The following NEK6 variants were observed in gnomAD, a reference collection of about 807,000 sequenced individuals.
The protein encoded by NEK6 is serine/threonine-protein kinase Nek6.
A neutral mutation model predicts 43.5 loss-of-function variants in NEK6; 27 were observed. The ratio of observed to expected loss-of-function variants is 0.62; its 90% CI spans 0.46 to 0.86. The LOEUF (loss-of-function observed/expected upper bound fraction) is 0.86. Ranked by LOEUF, NEK6 falls within the 40% of genes least tolerant of loss-of-function variation. The pLI, the probability that NEK6 is intolerant of heterozygous loss-of-function variation, is 0.00. For missense variants in NEK6, 318 were observed against 414.4 expected, an observed-to-expected ratio of 0.77 and a Z score of 2.02; for synonymous variants, 167 against 164.1, an observed-to-expected ratio of 1.02 and a Z score of -0.14.
chr9:124,258,243 G>A, intron 1 of NEK6, 158 bp downstream of exon 1: 4 of 983,244 alleles, frequency 4.1e-6, no homozygotes, highest in Non-Finnish European at 4.8e-6. Flanking sequence ...GTGTGGCCGC[G>A]CGGGGCTGAG....
At chr9:124,335,734 G>C (rs927611) in intron 7 of NEK6, among the ~76,000 whole-genome samples, 144,665 of 152,306 alleles carry the variant, frequency 0.95, 69,087 homozygotes, top group East Asian at 1. Flanking sequence ...CCTGGGAGTT[G>C]ACAGCCCAGA....
In NEK6 at chr9:124,331,269, A is replaced by C. The variant is rs913037349; in HGVS notation, c.622+3824A>C. The stretch of plus-strand genomic sequence containing the variant: ...CGAGCGACTCTGTCTCAAAAAAAAA[A>C]AAAACAAAACATTTTGCTCATTTTG... On this transcript the variant is annotated intron_variant, in intron 7 of 9. Coordinates refer to ENST00000320246, the MANE Select transcript of NEK6 (RefSeq NM_014397.6). 4.7e-5 allele frequency among the ~76,000 whole-genome samples: 7 copies of C among 148,822 alleles called. 1 individual carries two copies. The highest frequency in any genetic ancestry group is 7.3e-5 in the African/African-American group (3 of 41,228).
At chr9:124,306,189 G>A (rs1833246887) in intron 2 of NEK6, among the ~76,000 whole-genome samples, 1 of 152,134 alleles carries the variant, frequency 6.6e-6, no homozygotes. Flanking sequence ...CTTGGTAGTG[G>A]AAGGGATGAG....
chr9:124,272,681 C>G (rs188291770), intron 1 of NEK6, among the ~76,000 whole-genome samples: 3 of 152,224 alleles, frequency 2.0e-5, no homozygotes, highest in Non-Finnish European at 2.9e-5. Flanking sequence ...AACCGCTCCC[C>G]CTAACGCTGC....
chr9:124,265,585 G>A (rs577311464), intron 1 of NEK6: 3 of 152,178 alleles, frequency 2.0e-5, no homozygotes, highest in South Asian at 2.1e-4. Context: ...TACAGATGGC[G>A]ACACTGAGGC....
At chr9:124,313,334 G>A (rs180713863) in intron 3 of NEK6, among the ~76,000 whole-genome samples, 3 of 152,102 alleles carry the variant, frequency 2.0e-5, no homozygotes, top group African/African-American at 7.2e-5. Flanking sequence ...GGAGTAGCAG[G>A]GTCCTCTCTG....
At chr9:124,282,476 T>C (rs1240821892) in intron 1 of NEK6, among the ~76,000 whole-genome samples, 1 of 152,172 alleles carries the variant, frequency 6.6e-6, no homozygotes, top group Non-Finnish European at 1.5e-5. Context: ...AGACAAGGGT[T>C]TGGGGGGAAC....
At chr9:124,290,725 G>A (rs1181319395) in intron 1 of NEK6, among the ~76,000 whole-genome samples, 2 of 152,214 alleles carry the variant, frequency 1.3e-5, no homozygotes, top group Non-Finnish European at 2.9e-5. Flanking sequence ...TTGATCCCAC[G>A]GTGTCCTCTA....
upstream of NEK6, chr9:124,257,885 C>A (rs1830866632): frequency 2.0e-6 from 2 of 992,096 alleles, no homozygotes; most frequent in African/African-American, 3.5e-5. Flanking sequence ...CGCGCACGAG[C>A]GCTGGGGGCG....
At chr9:124,305,277 G>A (rs188929728) in intron 2 of NEK6, among the ~76,000 whole-genome samples, 6 of 152,268 alleles carry the variant, frequency 3.9e-5, no homozygotes, top group East Asian at 1.9e-4. Flanking sequence ...TTAGTGGGCC[G>A]GGCACGGTGG....
chr9:124,292,184 G>T, intron 1 of NEK6: 1 of 1,258,928 alleles, frequency 7.9e-7, no homozygotes, highest in Non-Finnish European at 1.0e-6. Flanking sequence ...GGACCTCCAG[G>T]GCTGGAGCTC....
At position 124,317,864 on chromosome 9, in the gene NEK6, T is replaced by C. The variant is rs562043681; in HGVS notation, c.295-3595T>C. On this transcript the variant is annotated intron_variant, in intron 4 of 9. Transcript: ENST00000320246. ...CAAAGGACATGACTTTTATTCTTTG[T>C]TGTGGCTGCATAATATTCTATTGTA... Among the ~76,000 whole-genome samples the C allele has an allele frequency of 2.3e-3, 357 of 152,378 alleles. 2 individuals are homozygous for C. The highest frequency in any genetic ancestry group is 8.1e-3 in the African/African-American group (338 of 41,594).
chr9:124,264,650 C>T (rs938171645), intron 1 of NEK6, among the ~76,000 whole-genome samples: 7 of 151,878 alleles, frequency 4.6e-5, no homozygotes, highest in East Asian at 1.9e-4. Context: ...ACTAAAAATA[C>T]GAAAAATTAG....
At chr9:124,323,820 G>T (rs1476016308) in intron 5 of NEK6, among the ~76,000 whole-genome samples, 2 of 152,142 alleles carry the variant, frequency 1.3e-5, no homozygotes, top group East Asian at 3.9e-4. Context: ...CCTTCTCTAT[G>T]CCAGGCCTGG....
chr9:124,274,679 A>G (rs1406818348), intron 1 of NEK6, among the ~76,000 whole-genome samples: 1 of 152,210 alleles, frequency 6.6e-6, no homozygotes, highest in East Asian at 1.9e-4. Context: ...TCATGTAAGA[A>G]TGCTGATCGA....
chr9:124,278,601 CT>C lies in NEK6; in HGVS notation c.-30+20517del, dbSNP rs528647690. Among the ~76,000 whole-genome samples the C allele has an allele frequency of 1.4e-4, 21 of 152,336 alleles. 1 individual carries two copies. In the South Asian group the frequency reaches 3.1e-3, roughly 23 times the overall value. ...GGGGCTCAGCCACACCCCCCCACCC[CT>C]GGCCCACCATAGGACTTAGTGCCCA... On this transcript the variant is annotated intron_variant, in intron 1 of 9. Coordinates refer to ENST00000320246, the MANE Select transcript of NEK6 (RefSeq NM_014397.6).
rs1369826553 is a variant in NEK6, at chr9:124,326,144, G to A, written c.406-186G>A. On this transcript the variant is annotated intron_variant, in intron 5 of 9. Transcript: ENST00000320246. This position sits in a 1 kb window ranked among gnomAD's most constrained non-coding sequence, Gnocchi z 4.5. ...GCTGCAGAGTGCCATTCAGGCAGAA[G>A]TAGAGGCGTGGACACAGCACTCTTG... is the stretch of plus-strand genomic sequence containing the variant. Among the ~76,000 whole-genome samples the A allele has an allele frequency of 3.3e-5, 5 of 152,114 alleles. No individual in the cohort carries two copies. Among genetic ancestry groups the A allele is most frequent in the Admixed American group, 2.6e-4 (4 of 15,282 alleles).
intron 1 of NEK6, among the ~76,000 whole-genome samples, chr9:124,282,188 C>G (rs192591348): frequency 6.6e-6 from 1 of 152,216 alleles, no homozygotes; most frequent in Non-Finnish European, 1.5e-5. Context: ...GCTCAGTTCC[C>G]GTGGAGGCTC....
At position 124,281,726 on chromosome 9, in the gene NEK6, C is replaced by T. The variant is rs149991381; in HGVS notation, c.-29-20210C>T. On this transcript the variant is annotated intron_variant, in intron 1 of 9. Coordinates refer to ENST00000320246, the MANE Select transcript of NEK6 (RefSeq NM_014397.6). ...GCTAGCCAGGCTGATCTCGAACTCC[C>T]GACCTCAGGTGATCTGCCTACCTCG... Among the ~76,000 whole-genome samples the T allele has an allele frequency of 3.3e-3, 504 of 152,066 alleles. 1 individual carries two copies. The highest frequency in any genetic ancestry group is 0.01 in the Middle Eastern group (3 of 292).
Sources: allele counts gnomAD v4.1 joint callset (sites outside exome capture counted in the v4.1 genomes callset), GRCh38; gene constraint gnomAD v4.1.1; non-coding constraint Gnocchi (gnomAD v3.1); transcripts MANE v1.5; gene names NCBI Gene and HGNC (gene_info 2026-07-23, HGNC 2026-07-21).